Variants in APOO observed in about 807,000 individuals in gnomAD.
APOO encodes MICOS complex subunit MIC26.
A neutral mutation model predicts 23.1 loss-of-function variants in APOO; 11 were observed. The ratio of observed to expected loss-of-function variants is 0.48; its 90% CI spans 0.30 to 0.79. The LOEUF is 0.79. APOO is among the 30% of genes least tolerant of loss of function. The pLI is 0.07. For missense variants in APOO, 160 were observed against 142.7 expected, an observed-to-expected ratio of 1.12 and a Z score of -0.62; for synonymous variants, 59 against 54.8, an observed-to-expected ratio of 1.08 and a Z score of -0.34.
At chrX:23,886,040 T>C (rs1435662899) in intron 1 of APOO, among the ~76,000 whole-genome samples, 2 of 111,514 alleles carry the variant, frequency 1.8e-5, no homozygotes, top group East Asian at 5.6e-4. Context: ...GGCTGTCCTG[T>C]GCACTGCAGG....
chrX:23,903,459 G>A (rs977889936), intron 1 of APOO, among the ~76,000 whole-genome samples: 3 of 110,942 alleles, frequency 2.7e-5, no homozygotes, highest in Non-Finnish European at 5.7e-5. Context: ...GCCCATTAAA[G>A]TTTGACAAGC....
intron 8 of APOO, among the ~76,000 whole-genome samples, 181 bp from the exon 9 acceptor site, chrX:23,833,793 C>G (rs754583058): frequency 9.0e-6 from 1 of 110,508 alleles, no homozygotes; most frequent in Non-Finnish European, 1.9e-5. Flanking sequence ...ACCAGCCTGC[C>G]CAACATGGTG....
intron 4 of APOO, among the ~76,000 whole-genome samples, chrX:23,872,961 G>A (rs1356247109): frequency 9.0e-6 from 1 of 110,595 alleles, no homozygotes; most frequent in Non-Finnish European, 1.9e-5. Flanking sequence ...TGAGACAGGA[G>A]AATTGCTTGA....
chrX:23,855,448 T>C (rs1238952877), intron 7 of APOO, among the ~76,000 whole-genome samples: 1 of 112,147 alleles, frequency 8.9e-6, no homozygotes, highest in East Asian at 2.8e-4. Flanking sequence ...TATTTATATG[T>C]ATTTTTTTAA....
chrX:23,872,814 G>A (rs992551993), intron 4 of APOO, among the ~76,000 whole-genome samples: 3 of 110,608 alleles, frequency 2.7e-5, no homozygotes, highest in East Asian at 5.6e-4. Flanking sequence ...ACTTTGGGGG[G>A]CTGAGGTGGG....
intron 5 of APOO, among the ~76,000 whole-genome samples, chrX:23,866,221 C>T (rs1925329890): frequency 8.9e-6 from 1 of 112,107 alleles, no homozygotes; most frequent in Non-Finnish European, 1.9e-5. Flanking sequence ...ACACCCTGGC[C>T]TTGGGATGTT....
chrX:23,856,156 G>C (rs1042688083), intron 7 of APOO, 146 bp downstream of exon 7: 19 of 570,082 alleles, frequency 3.3e-5, no homozygotes, highest in Non-Finnish European at 5.1e-5. Context: ...TACCAAGAAA[G>C]GTCACCTGAA....
intron 7 of APOO, among the ~76,000 whole-genome samples, chrX:23,847,979 C>T (rs1924330476): frequency 9.3e-6 from 1 of 107,521 alleles, no homozygotes; most frequent in African/African-American, 3.4e-5. Flanking sequence ...TGGGTTCAAG[C>T]GATTCTCCTG....
At chrX:23,896,263 G>A (rs1249348898) in intron 1 of APOO, among the ~76,000 whole-genome samples, 1 of 102,190 alleles carries the variant, frequency 9.8e-6, no homozygotes, top group Admixed American at 1.1e-4. Flanking sequence ...GTAAGACTCC[G>A]TCTCAAAAAA....
At chrX:23,892,286 C>A (rs1346978940) in intron 1 of APOO, among the ~76,000 whole-genome samples, 1 of 105,464 alleles carries the variant, frequency 9.5e-6, no homozygotes, top group Non-Finnish European at 2.0e-5. Context: ...GAGTCTCGCA[C>A]TGTCGCCCAG....
In APOO at chrX:23,880,965, A is replaced by G; in HGVS notation, c.10-13T>C. ...ACCTCTGAATTACCTGAAATGCAGAAGCAATCTTAAACCTCTCTATGTTAC... is the reference window on the plus strand; with the variant it reads ...ACCTCTGAATTACCTGAAATGCAGAGGCAATCTTAAACCTCTCTATGTTAC... On this transcript the variant is annotated splice_polypyrimidine_tract_variant and intron_variant, in intron 1 of 8. Coordinates refer to ENST00000379226, the MANE Select transcript of APOO (RefSeq NM_024122.5). 1 of 1,135,096 alleles carries G rather than the reference A, an allele frequency of 8.8e-7. No homozygotes were observed. Among genetic ancestry groups the G allele is most frequent in the Non-Finnish European group, 1.2e-6 (1 of 846,342 alleles). The allele number at this position is 1,135,096 out of a possible 1,213,427, so 93.5% of individuals were successfully genotyped here.
At chrX:23,875,646 C>A (rs182756741) in intron 3 of APOO, among the ~76,000 whole-genome samples, 1,524 of 108,371 alleles carry the variant, frequency 0.014, 40 homozygotes, top group African/African-American at 0.048. Flanking sequence ...TCTCAAACTC[C>A]TGACCTCAGG....
At chrX:23,899,617 A>C (rs1312444951) in intron 1 of APOO, among the ~76,000 whole-genome samples, 1 of 112,306 alleles carries the variant, frequency 8.9e-6, no homozygotes, top group Non-Finnish European at 1.9e-5. Flanking sequence ...GGGAAAATCA[A>C]CTGATACACT....
chrX:23,838,280 G>A (rs1405516065), intron 8 of APOO, among the ~76,000 whole-genome samples: 2 of 90,823 alleles, frequency 2.2e-5, no homozygotes, highest in East Asian at 3.8e-4. Context: ...ACTTGAACCC[G>A]GGAGGCCTCA....
intron 7 of APOO, among the ~76,000 whole-genome samples, chrX:23,849,254 T>A (rs1185133642): frequency 5.6e-5 from 6 of 108,051 alleles, no homozygotes; most frequent in Non-Finnish European, 1.1e-4. Flanking sequence ...ACCATTTCTA[T>A]CCCCCAAAGA....
At chrX:23,841,076 T>C (rs1199286012) in intron 7 of APOO, among the ~76,000 whole-genome samples, 12 of 112,186 alleles carry the variant, frequency 1.1e-4, no homozygotes, top group Non-Finnish European at 2.1e-4. Flanking sequence ...AGAGATCAGA[T>C]GGCAGTCTGA....
At chrX:23,869,951 CAAA>C (rs112428925) in intron 4 of APOO, among the ~76,000 whole-genome samples, 4 of 69,731 alleles carry the variant, frequency 5.7e-5, no homozygotes, top group Admixed American at 1.7e-4. Flanking sequence ...GACTCCTTCT[CAAA>C]AAAAAAAAAA....
intron 1 of APOO, among the ~76,000 whole-genome samples, chrX:23,906,175 C>T (rs1472061533): frequency 8.9e-6 from 1 of 112,799 alleles, no homozygotes; most frequent in Non-Finnish European, 1.9e-5. Flanking sequence ...AGCCCCCAGA[C>T]ATGGGAGTGA....
At chrX:23,887,474 C>T (rs1370358172) in intron 1 of APOO, among the ~76,000 whole-genome samples, 2 of 109,319 alleles carry the variant, frequency 1.8e-5, no homozygotes, top group African/African-American at 3.3e-5. Flanking sequence ...CCTTGTGATC[C>T]GTCCGCCTCG....
Sources: allele counts gnomAD v4.1 joint callset (sites outside exome capture counted in the v4.1 genomes callset), GRCh38; gene constraint gnomAD v4.1.1; transcripts MANE v1.5; gene names NCBI Gene and HGNC (gene_info 2026-07-23, HGNC 2026-07-21).